Variants in USP8 observed in about 807,000 individuals in gnomAD.
USP8 encodes ubiquitin carboxyl-terminal hydrolase 8.
USP8 carries 27 observed loss-of-function variants against 130.0 expected under a neutral mutation model. The ratio of observed to expected loss-of-function variants is 0.21; its 90% confidence interval spans 0.15 to 0.29. The LOEUF is 0.29. USP8 is among the 10% of genes least tolerant of loss of function. The pLI, the probability that USP8 is intolerant of heterozygous loss-of-function variation, is 1.00. For synonymous variants in USP8, 392 were observed against 444.1 expected, an observed-to-expected ratio of 0.88 and a Z score of 1.48; for missense variants, 1,029 against 1,312.2, an observed-to-expected ratio of 0.78 and a Z score of 3.33.
At position 50,498,546 on chromosome 15, in the gene USP8, C is replaced by T. The variant is rs186165804; in HGVS notation, c.3039-50C>T. 14 of 1,528,728 alleles carry T rather than the reference C, an allele frequency of 9.2e-6. No individual in the cohort carries two copies. In the East Asian group the frequency reaches 3.2e-4, roughly 35 times the overall value. The allele number at this position is 1,528,728 out of a possible 1,614,324, so 94.7% of individuals were successfully genotyped here. A position where few individuals can be genotyped will look rare whatever the true frequency, so the allele number is the denominator to read the frequency against. ...ATCTAGATGTTAATGAATGAGGATT[C>T]ATCCTGGTATCTTCCTCTGTCAGTG... On this transcript the variant is annotated intron_variant, in intron 18 of 19. Transcript: ENST00000307179.
Position 50,492,917 on chromosome 15 carries a change from A to C in USP8, c.2447+4A>C, listed in dbSNP as rs1401999198. The C allele has an allele frequency of 6.2e-7, 1 of 1,611,152 alleles. No individual in the cohort carries two copies. Among genetic ancestry groups the C allele is most frequent in the Admixed American group, 1.7e-5 (1 of 60,002 alleles). On this transcript the variant is annotated splice_donor_region_variant and intron_variant, in intron 15 of 19. Coordinates refer to ENST00000307179, the MANE Select transcript of USP8 (RefSeq NM_005154.5). ...GTTATCAGGATGATATTAACAGGTA[A>C]ATACATGTCATACTTTTTGCATTAT...
chr15:50,457,959 G>A (rs964238664), intron 4 of USP8, among the ~76,000 whole-genome samples: 2 of 151,500 alleles, frequency 1.3e-5, no homozygotes, highest in South Asian at 2.1e-4. Context: ...CTATTGATTC[G>A]TCTTTTACTA....
At chr15:50,451,653 C>G (rs559748776) in intron 4 of USP8, among the ~76,000 whole-genome samples, 2 of 152,304 alleles carry the variant, frequency 1.3e-5, no homozygotes, top group East Asian at 1.9e-4. Flanking sequence ...TTCTCCCTGT[C>G]TGTCCTCTCC....
chr15:50,434,079 T>C (rs2050019414), intron 1 of USP8, among the ~76,000 whole-genome samples: 1 of 151,702 alleles, frequency 6.6e-6, no homozygotes, highest in Non-Finnish European at 1.5e-5. Context: ...TTTTTTCACT[T>C]GCAATCCTTC....
At chr15:50,441,073 T>C (rs1339455415) in intron 2 of USP8, among the ~76,000 whole-genome samples, 1 of 151,530 alleles carries the variant, frequency 6.6e-6, no homozygotes, top group Non-Finnish European at 1.5e-5. Flanking sequence ...CGTGCTCCTA[T>C]GGGAATCTAA....
chr15:50,440,995 C>T (rs1320420981), intron 2 of USP8, among the ~76,000 whole-genome samples: 3 of 139,248 alleles, frequency 2.2e-5, no homozygotes, highest in African/African-American at 8.5e-5. Context: ...GAGCTAGACC[C>T]CATCTCAAAA....
Position 50,459,086 on chromosome 15 carries a change from C to T in USP8, c.422C>T (p.Thr141Ile), listed in dbSNP as rs2050890316. The change falls in exon 5 of 20, where the codon ACA (threonine) becomes ATA (isoleucine). Residue 141 changes from threonine to isoleucine, a missense_variant. Around this residue, in one of 4 missense-constraint regions of USP8, gnomAD observed 281 missense variants for 336.7 expected, o/e 0.83. Coordinates refer to ENST00000307179, the MANE Select transcript of USP8 (RefSeq NM_005154.5). Reference sequence around the variant, plus strand: ...CGGCTACAACAAAAAAGGCAGGAAACAGGAAGAGAGGATGGTGGCACATTG... The same window carrying T: ...CGGCTACAACAAAAAAGGCAGGAAATAGGAAGAGAGGATGGTGGCACATTG... ...AQRLQQKRQE[T>I]GREDGGTLAK... The T allele has an allele frequency of 6.2e-7, 1 of 1,613,898 alleles. No homozygotes were observed. Among genetic ancestry groups the T allele is most frequent in the African/African-American group, 1.3e-5 (1 of 74,874 alleles).
chr15:50,447,749 ATT>A lies in USP8; in HGVS notation c.250-1641_250-1640del, dbSNP rs11365548. ...GGCTAATTTTTGCATTTTTACGCTT[ATT>A]TTTTTTTTTGTCTTTTTTTTTTCTT... is the stretch of plus-strand genomic sequence containing the variant. On this transcript the variant is annotated intron_variant, in intron 3 of 19. Transcript: ENST00000307179. Among the ~76,000 whole-genome samples, 540 of 147,266 alleles carry A rather than the reference ATT, an allele frequency of 3.7e-3. 10 individuals carry two copies. The East Asian group carries it at 0.059, about 16-fold the overall frequency.
intron 4 of USP8, among the ~76,000 whole-genome samples, chr15:50,452,012 T>C (rs1383378264): frequency 6.6e-6 from 1 of 152,254 alleles, no homozygotes; most frequent in Non-Finnish European, 1.5e-5. Flanking sequence ...CGTGGCCTGC[T>C]GGCCCCTGTC....
intron 8 of USP8, among the ~76,000 whole-genome samples, chr15:50,472,120 C>T (rs546450456): frequency 2.6e-5 from 4 of 151,712 alleles, no homozygotes; most frequent in South Asian, 2.1e-4. Flanking sequence ...AGGCTGGTCT[C>T]GAACTCCTGA....
intron 6 of USP8, among the ~76,000 whole-genome samples, chr15:50,462,866 G>A (rs887043327): frequency 6.6e-6 from 1 of 152,014 alleles, no homozygotes; most frequent in African/African-American, 2.4e-5. Context: ...TATCATTTAT[G>A]ACTAGGTTGT....
chr15:50,459,466 C>T (rs189696456), intron 5 of USP8, among the ~76,000 whole-genome samples: 95 of 152,102 alleles, frequency 6.2e-4, no homozygotes, highest in Middle Eastern at 3.4e-3. Flanking sequence ...TGCCTGTAGT[C>T]CCAGCTACTC....
rs542709964 is a variant in USP8 at position 50,508,069 on chromosome 15, C to CAAAAAAA, written c.*9000_*9006dup. 2 of 66,724 alleles carry CAAAAAAA rather than the reference C, an allele frequency of 3.0e-5. No homozygotes were observed. The highest frequency in any genetic ancestry group is 6.3e-5 in the African/African-American group (1 of 15,850). The allele number at this position is 66,724 out of a possible 1,614,324, so 4.1% of individuals were successfully genotyped here. A position where few individuals can be genotyped will look rare whatever the true frequency, so the allele number is the denominator to read the frequency against. ...CGGGCGACAGTGCAAGACTCTGTCT[C>CAAAAAAA]AAAAAAAAAAAAAAAAAAAAAAAAA... On this transcript the variant is annotated 3_prime_UTR_variant, in exon 20 of 20. Transcript: ENST00000307179.
At chr15:50,432,982 C>T (rs2049977511) in intron 1 of USP8, among the ~76,000 whole-genome samples, 1 of 152,246 alleles carries the variant, frequency 6.6e-6, no homozygotes, top group Non-Finnish European at 1.5e-5. Flanking sequence ...TGGCTCACGC[C>T]TGTAATCCCA....
At chr15:50,445,557 A>AAAAAAAAAAAAAG (rs2050404108) in intron 3 of USP8, among the ~76,000 whole-genome samples, 1 of 113,814 alleles carries the variant, frequency 8.8e-6, no homozygotes, top group East Asian at 2.5e-4. Context: ...AAAAAAAAAA[A>AAAAAAAAAAAAAG]AAAAAAAAAA....
rs754921595 is a variant in USP8 at position 50,481,696 on chromosome 15, A to G, written c.1434A>G (p.Gln478=). The G allele has an allele frequency of 3.3e-4, 540 of 1,612,262 alleles. No individual in the cohort carries two copies. The highest frequency in any genetic ancestry group is 6.5e-4 in the Admixed American group (39 of 59,602). The change falls in exon 11 of 20, where the codon CAA becomes CAG. Residue 478 remains glutamine (Q), a synonymous_variant. Transcript: ENST00000307179. ...CTCTTCTAATGGAAAAAAACAAACA[A>G]GAAAAAGAACTTCGGGAAAGGCAGC... ...ETALLMEKNK[Q]EKELRERQQE... is the part of the protein sequence containing the mutation.
chr15:50,493,962 A>G (rs761289808), intron 15 of USP8, 108 bp from the exon 16 acceptor site: 32 of 1,219,132 alleles, frequency 2.6e-5, no homozygotes, highest in Non-Finnish European at 4.8e-6. Flanking sequence ...AGTTTAATGT[A>G]GTGCTACAGT....
intron 15 of USP8, chr15:50,493,331 G>A: frequency 1.9e-6 from 1 of 520,608 alleles, no homozygotes; most frequent in Non-Finnish European, 3.8e-6. Flanking sequence ...AAGCATTTTG[G>A]TGTAGGGCTA....
rs781641995 is a variant in USP8, at chr15:50,481,968, A to T, written c.1706A>T (p.Glu569Val). 1.2e-6 allele frequency: 2 copies of T among 1,604,580 alleles called. No individual in the cohort carries two copies. The highest frequency in any genetic ancestry group is 2.2e-5 in the South Asian group (2 of 89,080). ...HETSDAKKSV[E>V]DRGKRCPTPE... Reference sequence around the variant, plus strand: ...ACTTCTGATGCCAAGAAATCTGTAGAAGATAGGGGGAAAAGGTGTCCAACC... The same window carrying T: ...ACTTCTGATGCCAAGAAATCTGTAGTAGATAGGGGGAAAAGGTGTCCAACC... Residue 569 changes from glutamate to valine, a missense_variant, in exon 11 of 20, where the codon GAA (glutamate) becomes GTA (valine). By Grantham distance (121) the Glu-to-Val change is moderately radical. Coordinates refer to ENST00000307179, the MANE Select transcript of USP8 (RefSeq NM_005154.5).
Sources: allele counts gnomAD v4.1 joint callset (sites outside exome capture counted in the v4.1 genomes callset), GRCh38; gene constraint gnomAD v4.1.1; regional missense constraint gnomAD v4.1.1; transcripts MANE v1.5; gene names NCBI Gene and HGNC (gene_info 2026-07-23, HGNC 2026-07-21).